The following MTSS2 variants were observed in gnomAD, a reference collection of about 807,000 sequenced individuals.
MTSS2 encodes protein MTSS 2.
MTSS2 carries 27 observed loss-of-function variants against 67.1 expected under a neutral mutation model. That is an observed-to-expected ratio of 0.40 (90% confidence interval 0.30 to 0.55). MTSS2 has a LOEUF of 0.55. Ranked by LOEUF, MTSS2 falls within the 20% of genes least tolerant of loss-of-function variation. MTSS2 has a pLI of 0.43. For missense variants in MTSS2, 1,171 were observed against 1,067.8 expected (o/e 1.10, Z -1.35); for synonymous variants, 624 against 468.6 (o/e 1.33, Z -4.28).
rs765292221 is a variant in MTSS2 at position 70,679,888 on chromosome 16, CGGGCGGGA to C, written c.291-19_291-12del. On this transcript the variant is annotated splice_polypyrimidine_tract_variant and intron_variant, in intron 4 of 14. Transcript: ENST00000338779. Reference sequence around the variant, plus strand: ...CTCTCCAGCAGTGCGCTGCGGAGGGCGGGCGGGAGCGCAGGTCAGGGCCGGGCTCCCCC... The same window carrying C: ...CTCTCCAGCAGTGCGCTGCGGAGGGCGCGCAGGTCAGGGCCGGGCTCCCCC... 9 of 1,587,544 alleles carry C rather than the reference CGGGCGGGA, an allele frequency of 5.7e-6. No homozygotes were observed. Among genetic ancestry groups the C allele is most frequent in the Non-Finnish European group, 6.0e-6 (7 of 1,174,002 alleles).
chr16:70,681,015 G>T lies in MTSS2; in HGVS notation c.80C>A (p.Pro27His). Residue 27 changes from proline (P) to histidine (H), a missense_variant, in exon 2 of 15, where the codon CCT becomes CAT. This residue lies in a region of MTSS2 where 247 missense variants were observed against 311.8 expected (regional missense o/e 0.79). Transcript: ENST00000338779. ...AIVNDMKSSY[P>H]IWEDFNSKAT... ...CTTGGAGTTGAAGTCCTCCCAGATA[G>T]GGTAGGAGCTCTGCCGGGCAAATGG... The T allele has an allele frequency of 6.2e-7, 1 of 1,609,980 alleles. No homozygotes were observed. Among genetic ancestry groups the T allele is most frequent in the South Asian group, 1.1e-5 (1 of 89,818 alleles).
chr16:70,681,582 AGGGCC>A (rs2053306634), intron 1 of MTSS2, among the ~76,000 whole-genome samples: 1 of 152,236 alleles, frequency 6.6e-6, no homozygotes, highest in African/African-American at 2.4e-5. Context: ...AGTGGCTCCC[AGGGCC>A]GAGGAGGCTG....
intron 11 of MTSS2, among the ~76,000 whole-genome samples, chr16:70,667,831 C>T (rs1032950230): frequency 6.6e-6 from 1 of 152,002 alleles, no homozygotes; most frequent in South Asian, 2.1e-4. Flanking sequence ...TGAGATCGCG[C>T]CACTGCACTC....
At position 70,664,952 on chromosome 16, in the gene MTSS2, G is replaced by C; in HGVS notation, c.1273C>G (p.Pro425Ala). 2 of 1,565,294 alleles carry C rather than the reference G, an allele frequency of 1.3e-6. No individual in the cohort carries two copies. Among genetic ancestry groups the C allele is most frequent in the Non-Finnish European group, 8.6e-7 (1 of 1,163,162 alleles). The change falls in exon 13 of 15, where the codon CCC becomes GCC. Residue 425 changes from proline to alanine, a missense_variant. By Grantham distance (27) the Pro-to-Ala change is conservative. Around this residue, in one of 2 missense-constraint regions of MTSS2, gnomAD observed 924 missense variants for 756.0 expected, o/e 1.22. Transcript: ENST00000338779. ...LGPSGEEAPR[P>A]RMSPATIAAK... is the part of the protein sequence containing the mutation. ...GCGATGGTGGCAGGGGACATCCGGG[G>C]TCGCGGTGCCTCTTCCCCGCTGGGG...
chr16:70,682,547 G>C (rs1466800253), intron 1 of MTSS2, among the ~76,000 whole-genome samples: 3 of 151,966 alleles, frequency 2.0e-5, no homozygotes, highest in Non-Finnish European at 4.4e-5. Flanking sequence ...GAGATTAAAG[G>C]CTCTCCCCAT....
chr16:70,669,488 G>A (rs935485515), intron 11 of MTSS2, among the ~76,000 whole-genome samples: 1 of 152,092 alleles, frequency 6.6e-6, no homozygotes, highest in Non-Finnish European at 1.5e-5. Flanking sequence ...TATGAGGCCA[G>A]CCTGGGCAAC....
At chr16:70,666,873 G>T (rs2151913599) in intron 11 of MTSS2, among the ~76,000 whole-genome samples, 1 of 152,324 alleles carries the variant, frequency 6.6e-6, no homozygotes, top group African/African-American at 2.4e-5. Flanking sequence ...TCCCTCTGAG[G>T]TTGGGAGAAA....
rs1428609803 is a variant in MTSS2, at chr16:70,675,815, G to A, written c.830+1066C>T. On this transcript the variant is annotated intron_variant, in intron 10 of 14. Coordinates refer to ENST00000338779, the MANE Select transcript of MTSS2 (RefSeq NM_138383.3). ...GGTGATGGTGTGTGTGCGTACAGAG[G>A]TCACCTTCCAAGTGGGTCCTGCACC... Among the ~76,000 whole-genome samples, 3 of 152,176 alleles carry A rather than the reference G, an allele frequency of 2.0e-5. No individual in the cohort carries two copies. The East Asian group carries it at 5.8e-4, about 29-fold the overall frequency.
In MTSS2 at chr16:70,663,871, C is replaced by CTGCCACCAGCTCCCCCAGCTT; in HGVS notation, c.2049_2050insAAGCTGGGGGAGCTGGTGGCA (p.Lys677_Ala683dup). On this transcript the variant is annotated inframe_insertion, in exon 15 of 15. Transcript: ENST00000338779. ...TGGCCCTCACCCAGTGCGTGGGCAC[C>CTGCCACCAGCTCCCCCAGCTT]CGCCACCAGCTCCCCCAGCTTCTCC... The CTGCCACCAGCTCCCCCAGCTT allele has an allele frequency of 6.5e-7, 1 of 1,544,382 alleles. No homozygotes were observed. Among genetic ancestry groups the CTGCCACCAGCTCCCCCAGCTT allele is most frequent in the Non-Finnish European group, 8.7e-7 (1 of 1,147,088 alleles).
intron 8 of MTSS2, 150 bp downstream of exon 8, chr16:70,678,101 TG>T: frequency 9.0e-7 from 1 of 1,108,744 alleles, no homozygotes; most frequent in Non-Finnish European, 1.3e-6. Context: ...AATCAGTGCA[TG>T]GTGAGCTATG....
Position 70,683,785 on chromosome 16 carries a change from C to T in MTSS2, c.69+1938G>A, listed in dbSNP as rs138390832. 3.4e-3 allele frequency among the ~76,000 whole-genome samples: 522 copies of T among 152,290 alleles called. 1 individual carries two copies. Among genetic ancestry groups the T allele is most frequent in the African/African-American group, 0.012 (493 of 41,556 alleles). On this transcript the variant is annotated intron_variant, in intron 1 of 14. Transcript: ENST00000338779. Reference sequence around the variant, plus strand: ...GCTGCTGATGGCCGCCCTTCCTCTACGGAGGCCCTGCTGCTCAGGCCACCG... The same window carrying T: ...GCTGCTGATGGCCGCCCTTCCTCTATGGAGGCCCTGCTGCTCAGGCCACCG...
In MTSS2 at chr16:70,663,532, G is replaced by C; in HGVS notation, c.*145C>G. 1 of 1,366,952 alleles carries C rather than the reference G, an allele frequency of 7.3e-7. No homozygotes were observed. The highest frequency in any genetic ancestry group is 9.6e-7 in the Non-Finnish European group (1 of 1,042,024). 84.7% of individuals were successfully genotyped at this position (1,366,952 alleles called of 1,614,324 possible). A position where few individuals can be genotyped will look rare whatever the true frequency, so the allele number is the denominator to read the frequency against. On this transcript the variant is annotated 3_prime_UTR_variant, in exon 15 of 15. Transcript: ENST00000338779. ...TTCCTGTTTAAATGCTGGAATCCAA[G>C]TGAGGTGTCTTTCCATAAAGTGGCA...
Position 70,663,498 on chromosome 16 carries a change from A to G in MTSS2, c.*179T>C. ...GGCTCCGTCCTGGCCAGGCTTGCTA[A>G]GAAGTCACTTCCTGTTTAAATGCTG... On this transcript the variant is annotated 3_prime_UTR_variant, in exon 15 of 15. Transcript: ENST00000338779. 1 of 1,236,016 alleles carries G rather than the reference A, an allele frequency of 8.1e-7. No individual in the cohort carries two copies. Among genetic ancestry groups the G allele is most frequent in the Non-Finnish European group, 1.1e-6 (1 of 926,486 alleles). 76.6% of individuals were successfully genotyped at this position (1,236,016 alleles called of 1,614,324 possible). A position where few individuals can be genotyped will look rare whatever the true frequency, so the allele number is the denominator to read the frequency against.
chr16:70,665,150 C>T (rs1301582425), intron 12 of MTSS2, 54 bp from the exon 13 acceptor site: 1 of 1,530,142 alleles, frequency 6.5e-7, no homozygotes, highest in Non-Finnish European at 8.7e-7. Context: ...CACCTATGGC[C>T]CGGGGGCCCG....
intron 1 of MTSS2, among the ~76,000 whole-genome samples, chr16:70,681,664 C>T (rs1048869171): frequency 3.3e-5 from 5 of 152,250 alleles, no homozygotes; most frequent in Admixed American, 1.3e-4. Flanking sequence ...GGGCCTTGTG[C>T]GGCCAACAGA....
intron 1 of MTSS2, among the ~76,000 whole-genome samples, chr16:70,684,822 T>C (rs1281878099): frequency 6.6e-6 from 1 of 152,202 alleles, no homozygotes; most frequent in Non-Finnish European, 1.5e-5. Context: ...AGGGCAGCCC[T>C]GCCAAACCCT....
At chr16:70,667,953 G>A (rs568670905) in intron 11 of MTSS2, among the ~76,000 whole-genome samples, 2 of 148,612 alleles carry the variant, frequency 1.3e-5, no homozygotes, top group South Asian at 4.2e-4. Context: ...AGGGATATCT[G>A]CAATTCCATT....
In MTSS2 at chr16:70,674,451, G is replaced by T; in HGVS notation, c.908C>A (p.Ser303Tyr). The T allele has an allele frequency of 6.2e-7, 1 of 1,614,194 alleles. No homozygotes were observed. The highest frequency in any genetic ancestry group is 8.5e-7 in the Non-Finnish European group (1 of 1,180,038). The stretch of plus-strand genomic sequence containing the variant: ...CGCCAGGCTGCGGTAGCGACAGGTG[G>T]AACTGGGTGAGTATGTTTGGGCACC... The part of the protein sequence containing the change: ...PGGAQTYSPS[S>Y]TCRYRSLAQP... Residue 303 changes from serine (S) to tyrosine (Y), a missense_variant, in exon 11 of 15, where the codon TCC (serine) becomes TAC (tyrosine). Physicochemically the swap from Ser to Tyr is moderately radical, Grantham distance 144 (BLOSUM62 -2). Around this residue, in one of 2 missense-constraint regions of MTSS2, gnomAD observed 924 missense variants for 756.0 expected, o/e 1.22. Transcript: ENST00000338779.
chr16:70,666,209 G>A (rs2052708734), intron 11 of MTSS2, among the ~76,000 whole-genome samples: 1 of 152,172 alleles, frequency 6.6e-6, no homozygotes, highest in Non-Finnish European at 1.5e-5. Context: ...GGGCAGCTGT[G>A]CTGATGCTGC....
Sources: gnomAD v4.1 joint callset for allele counts (sites outside exome capture counted in the v4.1 genomes callset) on GRCh38, gnomAD v4.1.1 for gene constraint, gnomAD v4.1.1 regional missense constraint, MANE v1.5 for transcripts, NCBI Gene and HGNC (gene_info 2026-07-23, HGNC 2026-07-21) for gene names.